Variants in SYT9 observed in about 807,000 individuals in gnomAD.
SYT9 encodes synaptotagmin-9.
A neutral mutation model predicts 48.4 loss-of-function variants in SYT9; 22 were observed. The observed-to-expected ratio is 0.45, with a 90% confidence interval of 0.32 to 0.65. The LOEUF (loss-of-function observed/expected upper bound fraction) is 0.65. SYT9 is among the 30% of genes least tolerant of loss of function. The probability of loss-of-function intolerance (pLI) is 0.03; values close to 1 mark genes in which losing one functional copy is unlikely to be tolerated. For missense variants in SYT9, 577 were observed against 622.0 expected (o/e 0.93, Z 0.77); for synonymous variants, 265 against 245.0 (o/e 1.08, Z -0.76).
intron 1 of SYT9, among the ~76,000 whole-genome samples, chr11:7,292,055 G>C (rs1291214516): frequency 6.6e-6 from 1 of 152,126 alleles, no homozygotes; most frequent in Non-Finnish European, 1.5e-5. Context: ...AGGGGTGAGA[G>C]AAGTGAGCAG....
chr11:7,366,712 A>T (rs920889684), intron 3 of SYT9, among the ~76,000 whole-genome samples: 3 of 152,022 alleles, frequency 2.0e-5, no homozygotes, highest in Non-Finnish European at 2.9e-5. Flanking sequence ...ACATATATAT[A>T]TTTTTTACAT....
chr11:7,415,908 G>C (rs12295054), intron 3 of SYT9, 134 bp from the exon 4 acceptor site: 2 of 1,101,704 alleles, frequency 1.8e-6, no homozygotes, highest in Admixed American at 4.0e-5. Flanking sequence ...TGACATGAAC[G>C]GAAGAGATAC....
At chr11:7,380,998 G>A (rs932511265) in intron 3 of SYT9, among the ~76,000 whole-genome samples, 2 of 152,032 alleles carry the variant, frequency 1.3e-5, no homozygotes, top group Non-Finnish European at 1.5e-5. Flanking sequence ...GTGCCATACC[G>A]AAATTCTATT....
At chr11:7,301,345 A>G (rs961834902) in intron 1 of SYT9, among the ~76,000 whole-genome samples, 13 of 152,212 alleles carry the variant, frequency 8.5e-5, no homozygotes, top group African/African-American at 3.1e-4. Flanking sequence ...AATTTTTGAT[A>G]AACAGTTTTA....
At chr11:7,459,207 A>C (rs373813581) in intron 6 of SYT9, among the ~76,000 whole-genome samples, 11 of 152,368 alleles carry the variant, frequency 7.2e-5, no homozygotes, top group African/African-American at 2.6e-4. Flanking sequence ...ATGTGGGATG[A>C]TCAGGAGTTA....
intron 3 of SYT9, among the ~76,000 whole-genome samples, chr11:7,390,648 G>A (rs1026158849): frequency 1.4e-4 from 21 of 152,228 alleles, no homozygotes; most frequent in South Asian, 4.1e-4. Flanking sequence ...ATAGAAATTT[G>A]TCCCCTATGA....
chr11:7,448,450 G>A (rs533191090), intron 6 of SYT9, among the ~76,000 whole-genome samples: 5 of 152,350 alleles, frequency 3.3e-5, no homozygotes, highest in South Asian at 2.1e-4. Context: ...GCTGCGGCTC[G>A]CCTCAAGGCG....
At chr11:7,331,374 C>T (rs1374592347) in intron 3 of SYT9, among the ~76,000 whole-genome samples, 1 of 151,194 alleles carries the variant, frequency 6.6e-6, no homozygotes, top group Non-Finnish European at 1.5e-5. Context: ...CAACCAATTA[C>T]CTTCTATTAT....
chr11:7,289,344 TAC>T (rs1027689207), intron 1 of SYT9, among the ~76,000 whole-genome samples: 16 of 152,146 alleles, frequency 1.1e-4, no homozygotes, highest in Non-Finnish European at 2.2e-4. Context: ...ATTTAATAGG[TAC>T]AGAGTTTCAG....
At chr11:7,279,097 A>G (rs1169670688) in intron 1 of SYT9, among the ~76,000 whole-genome samples, 1 of 152,182 alleles carries the variant, frequency 6.6e-6, no homozygotes, top group Non-Finnish European at 1.5e-5. Context: ...CAGCAGATAA[A>G]GTTGGGGAGC....
At chr11:7,323,173 A>G (rs770568030) in intron 3 of SYT9, among the ~76,000 whole-genome samples, 8 of 152,246 alleles carry the variant, frequency 5.3e-5, no homozygotes, top group Non-Finnish European at 1.0e-4. Flanking sequence ...GTCTCCTGGT[A>G]AATACATGCA....
At chr11:7,421,569 A>C (rs1385417184) in intron 6 of SYT9, among the ~76,000 whole-genome samples, 2 of 152,194 alleles carry the variant, frequency 1.3e-5, no homozygotes, top group Admixed American at 1.3e-4. Context: ...ACCGGCCATC[A>C]TTCTGCCACT....
intron 3 of SYT9, among the ~76,000 whole-genome samples, chr11:7,335,422 G>A (rs1448427612): frequency 6.6e-6 from 1 of 151,924 alleles, no homozygotes; most frequent in Non-Finnish European, 1.5e-5. Flanking sequence ...CTGGGTACTA[G>A]GCCTAGTACC....
chr11:7,429,872 T>C (rs1466519295), intron 6 of SYT9, among the ~76,000 whole-genome samples: 3 of 152,230 alleles, frequency 2.0e-5, no homozygotes, highest in African/African-American at 7.2e-5. Context: ...ACAAATATTA[T>C]ATAAGGTTAA....
chr11:7,390,790 C>A (rs1227841848), intron 3 of SYT9, among the ~76,000 whole-genome samples: 1 of 152,104 alleles, frequency 6.6e-6, no homozygotes, highest in Non-Finnish European at 1.5e-5. Context: ...AAGATATAGT[C>A]CTTTGCAAAA....
upstream of SYT9, among the ~76,000 whole-genome samples, chr11:7,249,228 C>T (rs532453803): frequency 1.3e-5 from 2 of 152,220 alleles, no homozygotes; most frequent in African/African-American, 4.8e-5. Context: ...GATATTCTTT[C>T]TCCACATTGT....
intron 6 of SYT9, among the ~76,000 whole-genome samples, chr11:7,462,376 C>G (rs572337180): frequency 1.5e-5 from 2 of 132,150 alleles, no homozygotes. Context: ...CAAATGGACC[C>G]TTTCATTTTT....
chr11:7,412,104 G>A (rs960464181), intron 3 of SYT9, among the ~76,000 whole-genome samples: 6 of 152,102 alleles, frequency 3.9e-5, no homozygotes, highest in East Asian at 1.9e-4. Flanking sequence ...CCAATTTTCT[G>A]TATTGTTTTT....
At chr11:7,280,541 A>G (rs1848474784) in intron 1 of SYT9, among the ~76,000 whole-genome samples, 1 of 152,266 alleles carries the variant, frequency 6.6e-6, no homozygotes, top group Non-Finnish European at 1.5e-5. Context: ...GCACTATCGT[A>G]AGACTTTCAT....
Sources: allele counts gnomAD v4.1 joint callset (sites outside exome capture counted in the v4.1 genomes callset), GRCh38; gene constraint gnomAD v4.1.1; transcripts MANE v1.5; gene names NCBI Gene and HGNC (gene_info 2026-07-23, HGNC 2026-07-21).